PSRC1: variants seen among roughly 807,000 people sequenced by gnomAD.
PSRC1 encodes the protein proline and serine rich coiled-coil 1.
Under a neutral mutation model 31.9 loss-of-function variants are expected in PSRC1, and 30 were observed. The observed-to-expected ratio is 0.94, with a 90% CI of 0.70 to 1.28. The LOEUF is 1.28. Ranked by LOEUF, PSRC1 falls within the 50% of genes most tolerant of loss-of-function variation. The probability of loss-of-function intolerance (pLI) is 0.00; values close to 1 mark genes in which losing one functional copy is unlikely to be tolerated. For synonymous variants in PSRC1, 191 were observed against 192.1 expected, an observed-to-expected ratio of 0.99 and a Z score of 0.05; for missense variants, 481 against 472.8, an observed-to-expected ratio of 1.02 and a Z score of -0.16.
At chr1:109,283,131 C>T (rs1657467231) in exon 1 of PSRC1, 1 of 220,264 alleles carries the variant, frequency 4.5e-6, no homozygotes, top group Non-Finnish European at 9.1e-6. Flanking sequence ...CTCCCGCAAC[C>T]TAGTCCCGGG....
At chr1:109,279,909 G>C in exon 7 of PSRC1, 1 of 594,106 alleles carries the variant, frequency 1.7e-6, no homozygotes, top group African/African-American at 1.8e-5. Context: ...TCATTTCACT[G>C]CTGGAAGGTG....
exon 5 of PSRC1, chr1:109,280,798 C>G: frequency 6.3e-7 from 1 of 1,586,562 alleles, no homozygotes; most frequent in Non-Finnish European, 8.6e-7. Context: ...CTTTCCCGCA[C>G]TCTGTGTCCT....
chr1:109,280,796 C>A, exon 5 of PSRC1: 1 of 1,583,048 alleles, frequency 6.3e-7, no homozygotes, highest in South Asian at 1.1e-5. Flanking sequence ...CACTTTCCCG[C>A]ACTCTGTGTC....
intron 5 of PSRC1, 66 bp from the exon 7 acceptor site, chr1:109,280,555 G>A: frequency 7.5e-7 from 1 of 1,335,080 alleles, no homozygotes; most frequent in South Asian, 1.3e-5. Flanking sequence ...AAGAAATACT[G>A]GATGAAGGGA....
chr1:109,282,700 T>TCCAG (rs1181739395), exon 2 of PSRC1: 1 of 1,553,582 alleles, frequency 6.4e-7, no homozygotes, highest in African/African-American at 1.4e-5. Context: ...ATCCTCCATG[T>TCCAG]CCAGCCAGCA....
exon 5 of PSRC1, chr1:109,280,835 T>A (rs116389032): frequency 0.019 from 29,946 of 1,610,648 alleles, 323 homozygotes; most frequent in Non-Finnish European, 0.022. Context: ...GAAGCCCTTT[T>A]CGAGTTGACA....
rs114615644 is a variant in PSRC1 at position 109,282,044 on chromosome 1, T to C, written c.94A>G (p.Ile32Val). ...TTCTCTGGAGTCACCAACACTGTTA[T>C]GTCTTCCTCCTCACGGCTGAGACAG... is the stretch of plus-strand genomic sequence containing the variant. Residue 32 changes from isoleucine (I) to valine (V), a missense_variant, in exon 4 of 7, where the codon ATA (isoleucine) becomes GTA (valine). Transcript: ENST00000409138. 2.0e-6 allele frequency: 3 copies of C among 1,497,374 alleles called. No homozygotes were observed. In the African/African-American group the frequency reaches 4.2e-5, roughly 21 times the overall value. 92.8% of individuals were successfully genotyped at this position (1,497,374 alleles called of 1,614,324 possible). A position where few individuals can be genotyped will look rare whatever the true frequency, so the allele number is the denominator to read the frequency against.
At chr1:109,280,706 C>A in intron 5 of PSRC1, 71 bp downstream of exon 6, 1 of 1,299,936 alleles carries the variant, frequency 7.7e-7, no homozygotes. Flanking sequence ...CAAAAGTGGT[C>A]ACTGTTGACA....
rs1178315531 is a variant in PSRC1, at chr1:109,280,206, C to T, written c.1089-50G>A. On this transcript the variant is annotated intron_variant, in intron 6 of 6. Transcript: ENST00000409138. ...CTTTAAAATGCCCTTCTTCCTCAAGCCCATTTGTCACCCAGCAGAATTCAA... is the reference window on the plus strand; with the variant it reads ...CTTTAAAATGCCCTTCTTCCTCAAGTCCATTTGTCACCCAGCAGAATTCAA... The T allele has an allele frequency of 8.1e-6, 13 of 1,603,124 alleles. No homozygotes were observed. The Admixed American group carries it at 1.8e-4, about 23-fold the overall frequency.
At chr1:109,281,636 G>A in exon 4 of PSRC1, 3 of 1,612,008 alleles carry the variant, frequency 1.9e-6, no homozygotes, top group Non-Finnish European at 2.5e-6. Flanking sequence ...ATGTTGGAGG[G>A]CCTCTTTCCA....
exon 5 of PSRC1, chr1:109,281,181 G>A (rs554828160): frequency 1.9e-6 from 3 of 1,613,714 alleles, no homozygotes; most frequent in Admixed American, 3.3e-5. Flanking sequence ...CCGGACTGGG[G>A]GAGTCGATCG....
At chr1:109,279,933 T>C in exon 7 of PSRC1, 1 of 647,706 alleles carries the variant, frequency 1.5e-6, no homozygotes, top group South Asian at 1.9e-5. Flanking sequence ...TCTTTTCCCC[T>C]AATCTTCTTT....
chr1:109,280,796 C>T lies in PSRC1; in HGVS notation c.975G>A (p.Val325=), dbSNP rs144022094. ...TCTTACCCTTGTGTCCACTTTCCCG[C>T]ACTCTGTGTCCTGCAGTGCTTGGTC... is the stretch of plus-strand genomic sequence containing the variant. Residue 325 remains valine (V), a synonymous_variant, in exon 5 of 7, where the codon GTG becomes GTA. Coordinates refer to ENST00000409138, the Ensembl canonical transcript of PSRC1. 1.0e-3 allele frequency: 1,623 copies of T among 1,583,046 alleles called. No individual in the cohort carries two copies. The highest frequency in any genetic ancestry group is 1.2e-3 in the Non-Finnish European group (1,445 of 1,160,010).
At chr1:109,280,077 T>A in exon 7 of PSRC1, 1 of 1,606,006 alleles carries the variant, frequency 6.2e-7, no homozygotes, top group Non-Finnish European at 8.5e-7. Context: ...GGAGTCAGGG[T>A]CTGCTGGGTA....
chr1:109,279,852 G>A (rs1331840045), exon 7 of PSRC1: 1 of 467,522 alleles, frequency 2.1e-6, no homozygotes, highest in Non-Finnish European at 3.9e-6. Context: ...AACAGTGGGG[G>A]TGGATAAAGA....
chr1:109,281,903 C>A, exon 4 of PSRC1: 1 of 1,610,116 alleles, frequency 6.2e-7, no homozygotes, highest in Non-Finnish European at 8.5e-7. Context: ...TTGGCCTCAT[C>A]GAGGATCTCC....
Position 109,280,770 on chromosome 1 carries a change from C to T in PSRC1, c.994+7G>A. The T allele has an allele frequency of 6.4e-7, 1 of 1,556,526 alleles. No homozygotes were observed. The highest frequency in any genetic ancestry group is 8.7e-7 in the Non-Finnish European group (1 of 1,145,702). ...AAGGGCGGGCATTCTTCCTCCTGAC[C>T]TCTTACCCTTGTGTCCACTTTCCCG... is the stretch of plus-strand genomic sequence containing the variant. On this transcript the variant is annotated splice_region_variant and intron_variant, in intron 5 of 6. Coordinates refer to ENST00000409138, the Ensembl canonical transcript of PSRC1.
chr1:109,280,444 C>G (rs1279314399), exon 6 of PSRC1: 3 of 1,613,448 alleles, frequency 1.9e-6, no homozygotes, highest in Non-Finnish European at 2.5e-6. Context: ...CAGATTGCTG[C>G]GAGTGGCACC....
chr1:109,281,827 C>G, exon 4 of PSRC1: 2 of 1,613,976 alleles, frequency 1.2e-6, no homozygotes, highest in South Asian at 1.1e-5. Context: ...TCGGCGAGGC[C>G]CCAGGCCCTC....
Sources: gnomAD v4.1 joint callset for allele counts on GRCh38, gnomAD v4.1.1 for gene constraint, MANE v1.5 for transcripts, NCBI Gene and HGNC (gene_info 2026-07-23, HGNC 2026-07-21) for gene names.